AMOTL1: variants seen among roughly 807,000 people sequenced by gnomAD.
The protein encoded by AMOTL1 is angiomotin like 1, also known as angiomotin-like protein 1.
Under a neutral mutation model 102.9 loss-of-function variants are expected in AMOTL1, and 45 were observed. That is an observed-to-expected ratio of 0.44 (90% CI 0.34 to 0.56). AMOTL1 has a LOEUF of 0.56. Ranked by LOEUF, AMOTL1 falls within the 20% of genes least tolerant of loss-of-function variation. The pLI is 0.01. For synonymous variants in AMOTL1, 481 were observed against 484.7 expected, an observed-to-expected ratio of 0.99 and a Z score of 0.10; for missense variants, 1,114 against 1,225.6, an observed-to-expected ratio of 0.91 and a Z score of 1.36.
intron 6 of AMOTL1, among the ~76,000 whole-genome samples, chr11:94,843,282 C>T (rs1952343705): frequency 6.6e-6 from 1 of 152,168 alleles, no homozygotes. Flanking sequence ...GTGAATAGAT[C>T]ACTCGTATGT....
chr11:94,870,578 T>G, intron 12 of AMOTL1, 111 bp from the exon 13 acceptor site: 67 of 702,358 alleles, frequency 9.5e-5, no homozygotes, highest in Non-Finnish European at 1.4e-4. Flanking sequence ...TGCCCTGTGG[T>G]GAGAATCCTG....
At chr11:94,842,262 G>C (rs1446169478) in intron 6 of AMOTL1, among the ~76,000 whole-genome samples, 1 of 152,172 alleles carries the variant, frequency 6.6e-6, no homozygotes, top group Non-Finnish European at 1.5e-5. Context: ...GAAGATAGAA[G>C]GGTTTCGACG....
chr11:94,784,327 C>G (rs1425894881), intron 1 of AMOTL1, among the ~76,000 whole-genome samples: 1 of 152,090 alleles, frequency 6.6e-6, no homozygotes, highest in Non-Finnish European at 1.5e-5. Context: ...GTATGGTATG[C>G]TAGGCATTTT....
At chr11:94,720,763 T>G (rs1321805696) in intron 1 of AMOTL1, among the ~76,000 whole-genome samples, 1 of 152,108 alleles carries the variant, frequency 6.6e-6, no homozygotes, top group East Asian at 1.9e-4. Flanking sequence ...ACGAGGTGAC[T>G]ACACAGGTGG....
rs569324768 is a variant in AMOTL1 at position 94,799,510 on chromosome 11, T to G, written c.320T>G (p.Leu107Arg). 6.2e-7 allele frequency: 1 copy of G among 1,613,064 alleles called. No homozygotes were observed. Among genetic ancestry groups the G allele is most frequent in the Admixed American group, 1.7e-5 (1 of 59,898 alleles). The change falls in exon 3 of 13, where the codon CTG becomes CGG. Residue 107 changes from leucine (L) to arginine (R), a missense_variant. Coordinates refer to ENST00000433060, the MANE Select transcript of AMOTL1 (RefSeq NM_130847.3). The surrounding 1 kb of genome is among the most constrained non-coding windows in gnomAD (Gnocchi z 4.5). The part of the protein sequence containing the change: ...TVLQRLIQEQ[L>R]RYGTPTENMN... Reference sequence around the variant, plus strand: ...TTGCAGCGGCTGATCCAGGAACAACTGCGGTATGGCACCCCAACCGAGAAC... The same window carrying G: ...TTGCAGCGGCTGATCCAGGAACAACGGCGGTATGGCACCCCAACCGAGAAC...
chr11:94,864,649 C>T, intron 9 of AMOTL1, 86 bp from the exon 10 acceptor site: 1 of 1,537,802 alleles, frequency 6.5e-7, no homozygotes. Context: ...CCAGCATGAA[C>T]ACCAGCCTCT....
chr11:94,867,958 A>C (rs943448877), intron 11 of AMOTL1, among the ~76,000 whole-genome samples: 5 of 152,188 alleles, frequency 3.3e-5, no homozygotes, highest in African/African-American at 7.2e-5. Context: ...GTAAGACAGG[A>C]TAAGGCCTGT....
intron 6 of AMOTL1, among the ~76,000 whole-genome samples, chr11:94,839,054 A>G (rs1952242258): frequency 6.6e-6 from 1 of 152,242 alleles, no homozygotes; most frequent in African/African-American, 2.4e-5. Flanking sequence ...CTTAAAGGTT[A>G]CAAGTGTGGT....
chr11:94,869,143 T>TA, intron 11 of AMOTL1, 55 bp from the exon 12 acceptor site: 1 of 1,445,340 alleles, frequency 6.9e-7, no homozygotes, highest in Non-Finnish European at 9.3e-7. Context: ...AAGACTAGAT[T>TA]TAAAAAAAAA....
At chr11:94,853,100 T>A (rs2135714818) in intron 7 of AMOTL1, among the ~76,000 whole-genome samples, 1 of 152,290 alleles carries the variant, frequency 6.6e-6, no homozygotes, top group South Asian at 2.1e-4. Context: ...TTCTTCATGA[T>A]GTCAAAAACT....
chr11:94,804,308 T>C (rs1369186571), intron 3 of AMOTL1, among the ~76,000 whole-genome samples: 1 of 152,208 alleles, frequency 6.6e-6, no homozygotes, highest in Non-Finnish European at 1.5e-5. Flanking sequence ...TTTGTTGTTG[T>C]TGTCTTGAGA....
At chr11:94,732,871 T>C (rs1950376472) in intron 2 of AMOTL1, among the ~76,000 whole-genome samples, 1 of 152,134 alleles carries the variant, frequency 6.6e-6, no homozygotes, top group African/African-American at 2.4e-5. Flanking sequence ...AATTCAGTGG[T>C]ACTGTTCCCA....
At chr11:94,777,869 G>T (rs1951048490) in intron 1 of AMOTL1, among the ~76,000 whole-genome samples, 1 of 152,140 alleles carries the variant, frequency 6.6e-6, no homozygotes, top group African/African-American at 2.4e-5. Flanking sequence ...AGTCAATACT[G>T]AGGTGGAGAA....
At chr11:94,738,211 T>C (rs889011302) in intron 2 of AMOTL1, among the ~76,000 whole-genome samples, 1 of 151,748 alleles carries the variant, frequency 6.6e-6, no homozygotes, top group Non-Finnish European at 1.5e-5. Flanking sequence ...CTCCATTTGA[T>C]TTTAGTGGAC....
intron 2 of AMOTL1, among the ~76,000 whole-genome samples, chr11:94,734,997 G>A (rs1468019722): frequency 6.6e-6 from 1 of 152,226 alleles, no homozygotes; most frequent in African/African-American, 2.4e-5. Context: ...TTCTCCCCAT[G>A]TGGCATTTAG....
chr11:94,836,819 G>A (rs1332391729), intron 6 of AMOTL1, among the ~76,000 whole-genome samples: 1 of 147,216 alleles, frequency 6.8e-6, no homozygotes, highest in Non-Finnish European at 1.5e-5. Context: ...TCATTATTAA[G>A]AACAATAGTA....
exon 2 of AMOTL1, chr11:94,729,036 T>C: frequency 3.1e-6 from 4 of 1,289,082 alleles, no homozygotes; most frequent in Non-Finnish European, 4.0e-6. Flanking sequence ...GAATTCATCA[T>C]TTTGCCAGCA....
chr11:94,798,282 A>G (rs1951405539), intron 2 of AMOTL1, among the ~76,000 whole-genome samples: 1 of 152,194 alleles, frequency 6.6e-6, no homozygotes, highest in African/African-American at 2.4e-5. Flanking sequence ...CACATCATAT[A>G]CATGTTTAAA....
At chr11:94,790,902 C>T (rs1325268719) in intron 1 of AMOTL1, among the ~76,000 whole-genome samples, 3 of 152,282 alleles carry the variant, frequency 2.0e-5, no homozygotes, top group South Asian at 2.1e-4. Context: ...TGGCTCACCA[C>T]GGTTTCTGTT....
Sources: gnomAD v4.1 joint callset for allele counts (sites outside exome capture counted in the v4.1 genomes callset) on GRCh38, gnomAD v4.1.1 for gene constraint, Gnocchi (gnomAD v3.1) non-coding constraint, MANE v1.5 for transcripts, NCBI Gene and HGNC (gene_info 2026-07-23, HGNC 2026-07-21) for gene names.